Variants in FAM13C observed in about 807,000 individuals in gnomAD.
The protein encoded by FAM13C is family with sequence similarity 13 member C.
FAM13C carries 37 observed loss-of-function variants against 73.2 expected under a neutral mutation model. The ratio of observed to expected loss-of-function variants is 0.51; its 90% CI spans 0.39 to 0.67. The LOEUF (loss-of-function observed/expected upper bound fraction) is 0.67. FAM13C is among the 30% of genes least tolerant of loss of function. The pLI, the probability that FAM13C is intolerant of heterozygous loss-of-function variation, is 0.00. For synonymous variants in FAM13C, 246 were observed against 260.9 expected (o/e 0.94, Z 0.55); for missense variants, 589 against 715.6 (o/e 0.82, Z 2.02).
intron 3 of FAM13C, among the ~76,000 whole-genome samples, chr10:59,350,456 G>A (rs1042605508): frequency 3.3e-5 from 5 of 152,170 alleles, no homozygotes; most frequent in Non-Finnish European, 5.9e-5. Context: ...ACATCCCTGG[G>A]ATCAGTCAGA....
At chr10:59,336,352 G>A (rs1003341991) in intron 3 of FAM13C, among the ~76,000 whole-genome samples, 2 of 152,184 alleles carry the variant, frequency 1.3e-5, no homozygotes, top group Admixed American at 1.3e-4. Flanking sequence ...TAAAGTGTTG[G>A]AAATATGTGA....
In FAM13C at chr10:59,291,481, C is replaced by T. The variant is rs144488466; in HGVS notation, c.508-8034G>A. ...GTTCAGGAGCTCAGCCCTCACTCTC[C>T]GCCACCTCCCAAAGGAGAAATTCAA... is the stretch of plus-strand genomic sequence containing the variant. On this transcript the variant is annotated intron_variant, in intron 5 of 13. Transcript: ENST00000618804. Among the ~76,000 whole-genome samples, 4 of 152,286 alleles carry T rather than the reference C, an allele frequency of 2.6e-5. No individual in the cohort carries two copies. The East Asian group carries it at 5.8e-4, about 22-fold the overall frequency.
chr10:59,358,536 T>C (rs1855998797), intron 1 of FAM13C, among the ~76,000 whole-genome samples: 1 of 152,202 alleles, frequency 6.6e-6, no homozygotes. Flanking sequence ...CTTTGTAATG[T>C]GGATAAAAAT....
chr10:59,280,188 A>G (rs1236793204), intron 6 of FAM13C, among the ~76,000 whole-genome samples: 1 of 152,188 alleles, frequency 6.6e-6, no homozygotes, highest in Non-Finnish European at 1.5e-5. Context: ...AATATCTGGG[A>G]GTGAAGATTT....
intron 4 of FAM13C, among the ~76,000 whole-genome samples, chr10:59,316,040 ATG>A (rs10548444): frequency 0.41 from 61,892 of 151,600 alleles, 12,979 homozygotes; most frequent in African/African-American, 0.51. Flanking sequence ...AGAGATTCTC[ATG>A]TCTCAGCCTC....
At chr10:59,309,492 C>A (rs1285573271) in intron 4 of FAM13C, among the ~76,000 whole-genome samples, 1 of 152,188 alleles carries the variant, frequency 6.6e-6, no homozygotes, top group Non-Finnish European at 1.5e-5. Flanking sequence ...TGAACTCCAG[C>A]TACACTGGCA....
intron 3 of FAM13C, among the ~76,000 whole-genome samples, chr10:59,329,745 T>C (rs139160280): frequency 6.6e-6 from 1 of 152,198 alleles, no homozygotes; most frequent in Non-Finnish European, 1.5e-5. Context: ...CATTCAATTA[T>C]GCTGTCTATC....
chr10:59,349,521 A>C (rs1327552713), intron 3 of FAM13C, among the ~76,000 whole-genome samples: 2 of 152,164 alleles, frequency 1.3e-5, no homozygotes, highest in African/African-American at 4.8e-5. Flanking sequence ...CTATATTCCC[A>C]GCACTTTGGG....
At chr10:59,251,751 T>C in intron 12 of FAM13C, 75 bp from the exon 13 acceptor site, 8 of 1,167,572 alleles carry the variant, frequency 6.9e-6, no homozygotes, top group Non-Finnish European at 9.7e-6. Flanking sequence ...ATTTATCTGT[T>C]CAGCCAAAAA....
intron 13 of FAM13C, 139 bp from the exon 14 acceptor site, chr10:59,247,876 T>A (rs1840869548): frequency 2.9e-6 from 2 of 682,734 alleles, no homozygotes; most frequent in Non-Finnish European, 4.8e-6. Context: ...TCCTTCCCTT[T>A]CACCTTCATT....
At chr10:59,358,267 A>G (rs377715792) in intron 1 of FAM13C, among the ~76,000 whole-genome samples, 1 of 152,138 alleles carries the variant, frequency 6.6e-6, no homozygotes, top group East Asian at 1.9e-4. Flanking sequence ...AGTTTCAGCT[A>G]CTCAGGAGGC....
intron 5 of FAM13C, among the ~76,000 whole-genome samples, chr10:59,288,483 A>AAAG (rs145981688): frequency 0.017 from 2,538 of 151,870 alleles, 70 homozygotes; most frequent in African/African-American, 0.058. Flanking sequence ...ACAGGGGGAA[A>AAAG]AAGAAGAAGA....
chr10:59,265,319 T>TGGGG (rs1554811296), intron 8 of FAM13C, among the ~76,000 whole-genome samples: 629 of 2,256 alleles, frequency 0.28, 80 homozygotes, highest in African/African-American at 0.32. Flanking sequence ...GAAGGGGTTT[T>TGGGG]GGCGGGGGGG....
intron 3 of FAM13C, among the ~76,000 whole-genome samples, chr10:59,348,436 T>C (rs954778764): frequency 2.0e-5 from 3 of 152,242 alleles, no homozygotes; most frequent in African/African-American, 7.2e-5. Context: ...AATTCTCCCA[T>C]ATTTGTCCAA....
At chr10:59,274,126 C>G (rs891176214) in intron 6 of FAM13C, among the ~76,000 whole-genome samples, 2 of 152,122 alleles carry the variant, frequency 1.3e-5, no homozygotes, top group Non-Finnish European at 2.9e-5. Context: ...GCATTCTCAA[C>G]CAGCCTCTCT....
chr10:59,309,176 C>A (rs902273779), intron 4 of FAM13C, among the ~76,000 whole-genome samples: 7 of 152,126 alleles, frequency 4.6e-5, no homozygotes, highest in Non-Finnish European at 1.5e-5. Context: ...AAGTTATTAA[C>A]AAGCCTCTCA....
chr10:59,298,102 T>C (rs918114006), intron 5 of FAM13C, among the ~76,000 whole-genome samples: 3 of 152,252 alleles, frequency 2.0e-5, no homozygotes, highest in African/African-American at 7.2e-5. Context: ...GGTAAACCCA[T>C]TAACCCATGA....
At chr10:59,260,985 T>TACTATATCA (rs1466157305) in intron 10 of FAM13C, among the ~76,000 whole-genome samples, 11 of 152,302 alleles carry the variant, frequency 7.2e-5, no homozygotes, top group Admixed American at 1.3e-4. Context: ...GTTCTAACTC[T>TACTATATCA]ACTATATCAA....
intron 10 of FAM13C, among the ~76,000 whole-genome samples, chr10:59,261,236 T>A (rs1324300452): frequency 6.6e-6 from 1 of 152,148 alleles, no homozygotes; most frequent in Admixed American, 6.6e-5. Flanking sequence ...GCTGAGTGGA[T>A]GAAACCTTCT....
Sources: allele counts gnomAD v4.1 joint callset (sites outside exome capture counted in the v4.1 genomes callset), GRCh38; gene constraint gnomAD v4.1.1; transcripts MANE v1.5; gene names NCBI Gene and HGNC (gene_info 2026-07-23, HGNC 2026-07-21).